NBDY: variants seen among roughly 807,000 people sequenced by gnomAD.
NBDY encodes the protein negative regulator of P-body association.
At chrX:56,808,783 AT>A (rs1464389261) in intron 2 of NBDY, among the ~76,000 whole-genome samples, 1 of 111,210 alleles carries the variant, frequency 9.0e-6, no homozygotes, top group African/African-American at 3.3e-5. Flanking sequence ...GATCCTAGTT[AT>A]TTCTTGCCTT....
At chrX:56,809,809 G>T (rs181144706) in intron 2 of NBDY, among the ~76,000 whole-genome samples, 18 of 111,893 alleles carry the variant, frequency 1.6e-4, no homozygotes, top group African/African-American at 4.2e-4. Context: ...ATGCTAGCTG[G>T]TTTTTTTGCC....
At chrX:56,790,487 C>T (rs988709096) in intron 2 of NBDY, among the ~76,000 whole-genome samples, 1 of 111,820 alleles carries the variant, frequency 8.9e-6, no homozygotes, top group Admixed American at 9.4e-5. Flanking sequence ...GAGTCACCCC[C>T]TTTTGGTCAC....
chrX:56,799,124 A>G (rs1465704053), intron 2 of NBDY, among the ~76,000 whole-genome samples: 1 of 112,160 alleles, frequency 8.9e-6, no homozygotes, highest in Non-Finnish European at 1.9e-5. Context: ...CCCATGGTCT[A>G]TGCTCATTCC....
chrX:56,764,738 G>A (rs1158023372), intron 2 of NBDY, among the ~76,000 whole-genome samples: 1 of 101,232 alleles, frequency 9.9e-6, no homozygotes, highest in East Asian at 3.3e-4. Flanking sequence ...TGGCCTAGGA[G>A]CACCCATCTC....
At chrX:56,792,628 C>G (rs940523316) in intron 2 of NBDY, among the ~76,000 whole-genome samples, 3 of 111,436 alleles carry the variant, frequency 2.7e-5, no homozygotes, top group African/African-American at 9.8e-5. Flanking sequence ...CACAAGTTAA[C>G]TCACACTAGC....
chrX:56,811,603 C>T (rs1384202543), intron 2 of NBDY, among the ~76,000 whole-genome samples: 1 of 111,689 alleles, frequency 9.0e-6, no homozygotes, highest in Non-Finnish European at 1.9e-5. Context: ...TATGCCACTC[C>T]CCCCACCAAG....
intron 2 of NBDY, among the ~76,000 whole-genome samples, chrX:56,782,528 A>G (rs1393605235): frequency 8.9e-6 from 1 of 111,867 alleles, no homozygotes; most frequent in African/African-American, 3.3e-5. Context: ...AGCACTGATG[A>G]AGGTCACCAG....
intron 2 of NBDY, among the ~76,000 whole-genome samples, chrX:56,764,331 G>T (rs1192401938): frequency 8.9e-6 from 1 of 112,068 alleles, no homozygotes; most frequent in Non-Finnish European, 1.9e-5. Context: ...TCGGCCAGTG[G>T]CTTCGTTTAT....
intron 2 of NBDY, among the ~76,000 whole-genome samples, chrX:56,752,108 TG>T (rs1414228099): frequency 8.9e-6 from 1 of 112,477 alleles, no homozygotes. Flanking sequence ...CTACCACTAA[TG>T]GGCACCTAGG....
chrX:56,749,677 G>A (rs1394557057), intron 2 of NBDY, among the ~76,000 whole-genome samples: 1 of 106,140 alleles, frequency 9.4e-6, no homozygotes, highest in Admixed American at 1.0e-4. Flanking sequence ...TTTGAGACAG[G>A]GTCTCACTCT....
intron 2 of NBDY, among the ~76,000 whole-genome samples, chrX:56,755,188 T>C (rs1200287551): frequency 8.9e-6 from 1 of 112,034 alleles, no homozygotes; most frequent in African/African-American, 3.2e-5. Flanking sequence ...ATAAAAACCC[T>C]AGAAGAAAAC....
At chrX:56,791,497 T>C (rs2069762936) in intron 2 of NBDY, among the ~76,000 whole-genome samples, 1 of 111,753 alleles carries the variant, frequency 8.9e-6, no homozygotes, top group Non-Finnish European at 1.9e-5. Flanking sequence ...CTGATGACAT[T>C]CTCAGGGCAA....
chrX:56,807,740 A>G (rs1569292833), intron 2 of NBDY, among the ~76,000 whole-genome samples: 2 of 112,169 alleles, frequency 1.8e-5, no homozygotes, highest in Non-Finnish European at 3.8e-5. Context: ...TTTTCTAAAT[A>G]TACAATCATG....
intron 2 of NBDY, among the ~76,000 whole-genome samples, chrX:56,751,571 T>C (rs2069585950): frequency 8.9e-6 from 1 of 111,996 alleles, no homozygotes. Flanking sequence ...TATAGCTCAA[T>C]GAATTTGTAC....
chrX:56,814,159 G>C (rs2069899965), intron 2 of NBDY, among the ~76,000 whole-genome samples: 1 of 110,757 alleles, frequency 9.0e-6, no homozygotes, highest in South Asian at 3.8e-4. Context: ...ATTTTAGGTG[G>C]TGAATTTTTC....
intron 2 of NBDY, among the ~76,000 whole-genome samples, chrX:56,808,957 G>T (rs1395713888): frequency 2.7e-5 from 3 of 112,577 alleles, no homozygotes; most frequent in African/African-American, 9.7e-5. Context: ...CTGGTACGTT[G>T]TGTCTTTGTT....
At chrX:56,754,361 G>A (rs1464091515) in intron 2 of NBDY, among the ~76,000 whole-genome samples, 1 of 111,877 alleles carries the variant, frequency 8.9e-6, no homozygotes, top group Non-Finnish European at 1.9e-5. Flanking sequence ...AGACCTAACA[G>A]CACTGTCCCA....
At chrX:56,783,946 C>T (rs2069712394) in intron 2 of NBDY, among the ~76,000 whole-genome samples, 1 of 106,803 alleles carries the variant, frequency 9.4e-6, no homozygotes, top group Non-Finnish European at 1.9e-5. Flanking sequence ...ACAGTAGGAG[C>T]GTTCTCTGCC....
At chrX:56,816,341 T>C (rs1407685881) in intron 2 of NBDY, among the ~76,000 whole-genome samples, 1 of 111,709 alleles carries the variant, frequency 9.0e-6, no homozygotes, top group African/African-American at 3.2e-5. Flanking sequence ...ATATCTACTG[T>C]CTATAAAATT....
Sources: gnomAD v4.1 joint callset for allele counts (sites outside exome capture counted in the v4.1 genomes callset) on GRCh38, gnomAD v4.1.1 for gene constraint, MANE v1.5 for transcripts, NCBI Gene and HGNC (gene_info 2026-07-23, HGNC 2026-07-21) for gene names.